Variants in CDH17 observed in about 807,000 individuals in gnomAD.
CDH17 encodes the protein cadherin-17.
In CDH17, 67 loss-of-function variants were observed where a neutral mutation model predicts 86.3. That is an observed-to-expected ratio of 0.78 (90% CI 0.64 to 0.95). The LOEUF is 0.95. Among genes scored for constraint, CDH17 ranks in the 40% least tolerant of loss-of-function variants. The pLI, the probability that CDH17 is intolerant of heterozygous loss-of-function variation, is 0.00. For missense variants in CDH17, 993 were observed against 1,017.6 expected, an observed-to-expected ratio of 0.98 and a Z score of 0.33; for synonymous variants, 367 against 366.4, an observed-to-expected ratio of 1.00 and a Z score of -0.02.
At chr8:94,208,809 T>A (rs1285858276), upstream of CDH17, among the ~76,000 whole-genome samples, 28 of 152,130 alleles carry the variant, frequency 1.8e-4, no homozygotes. Flanking sequence ...AGACAAGAAG[T>A]TAGAGTGGAA....
intron 13 of CDH17, among the ~76,000 whole-genome samples, chr8:94,150,028 C>T (rs907481613): frequency 6.6e-6 from 1 of 152,098 alleles, no homozygotes; most frequent in African/African-American, 2.4e-5. Context: ...ATAAAAAATA[C>T]TGGAAGCAAC....
At chr8:94,176,518 T>C (rs1346828486) in intron 5 of CDH17, 23 bp downstream of exon 5, 3 of 1,612,184 alleles carry the variant, frequency 1.9e-6, no homozygotes, top group South Asian at 2.2e-5. Flanking sequence ...TTTCCATAAA[T>C]ATCTCTGGCC....
At chr8:94,187,688 C>T (rs556802369) in intron 3 of CDH17, among the ~76,000 whole-genome samples, 2 of 152,258 alleles carry the variant, frequency 1.3e-5, no homozygotes, top group East Asian at 3.9e-4. Flanking sequence ...TCCTCTCCCA[C>T]CTGCTCCTCC....
chr8:94,172,141 C>G lies in CDH17; in HGVS notation c.784-1156G>C, dbSNP rs1448505292. Among the ~76,000 whole-genome samples the G allele has an allele frequency of 2.0e-5, 3 of 151,860 alleles. No individual in the cohort carries two copies. The East Asian group carries it at 5.8e-4, about 30-fold the overall frequency. ...TAGGCACTCTAGAATTTTCCCTTGG[C>G]AGCCCCAAGGCAACTAAGCATGAGT... On this transcript the variant is annotated intron_variant, in intron 7 of 17. Coordinates refer to ENST00000027335, the MANE Select transcript of CDH17 (RefSeq NM_004063.4).
chr8:94,211,032 A>AG (rs1357469733), upstream of CDH17, among the ~76,000 whole-genome samples: 1 of 151,746 alleles, frequency 6.6e-6, no homozygotes, highest in Non-Finnish European at 1.5e-5. Context: ...AAAAAAAAAA[A>AG]AAAAAAGAAA....
chr8:94,166,087 T>G, intron 9 of CDH17, 111 bp from the exon 10 acceptor site: 1 of 675,438 alleles, frequency 1.5e-6, no homozygotes, highest in Non-Finnish European at 2.6e-6. Context: ...TAACTTTGAA[T>G]AGCAGACAAA....
intron 12 of CDH17, among the ~76,000 whole-genome samples, chr8:94,153,397 T>G (rs1002274661): frequency 1.3e-5 from 2 of 152,188 alleles, no homozygotes; most frequent in African/African-American, 4.8e-5. Context: ...AAGGGAACCC[T>G]GTACACTGTT....
At chr8:94,150,307 G>A (rs989101779) in intron 13 of CDH17, among the ~76,000 whole-genome samples, 7 of 152,142 alleles carry the variant, frequency 4.6e-5, no homozygotes, top group African/African-American at 1.7e-4. Flanking sequence ...GGTGGGGGAC[G>A]GCAGGGGCAA....
intron 15 of CDH17, among the ~76,000 whole-genome samples, chr8:94,135,808 T>G (rs1201917872): frequency 6.6e-6 from 1 of 152,238 alleles, no homozygotes; most frequent in East Asian, 1.9e-4. Flanking sequence ...TTCCTTTCCA[T>G]GTTTAGTGCT....
At chr8:94,129,317 C>T (rs992274577) in intron 17 of CDH17, among the ~76,000 whole-genome samples, 5 of 152,050 alleles carry the variant, frequency 3.3e-5, no homozygotes, top group African/African-American at 9.7e-5. Context: ...AGCTCAATTA[C>T]CATGAAAAGT....
At chr8:94,190,854 G>A (rs964815755) in intron 2 of CDH17, among the ~76,000 whole-genome samples, 4 of 152,200 alleles carry the variant, frequency 2.6e-5, no homozygotes, top group African/African-American at 9.6e-5. Context: ...AGATCCCTCA[G>A]TCTGGGGAAC....
rs779570353 is a variant in CDH17, at chr8:94,151,852, C to T, written c.1796+16G>A. The T allele has an allele frequency of 6.2e-7, 1 of 1,613,798 alleles. No homozygotes were observed. Among genetic ancestry groups the T allele is most frequent in the African/African-American group, 1.3e-5 (1 of 74,940 alleles). On this transcript the variant is annotated intron_variant, in intron 13 of 17. Transcript: ENST00000027335. ...TGACCACGCAGCCAGGCCTGCCCAG[C>T]ACTGTTGCCCTTTACCTTATGTCCA...
intron 15 of CDH17, among the ~76,000 whole-genome samples, chr8:94,138,794 T>C (rs1444036836): frequency 6.6e-6 from 1 of 152,184 alleles, no homozygotes; most frequent in Non-Finnish European, 1.5e-5. Context: ...ACCTCACAAG[T>C]TTGAAAACAT....
At chr8:94,140,805 G>C (rs190508151) in intron 15 of CDH17, among the ~76,000 whole-genome samples, 403 of 152,104 alleles carry the variant, frequency 2.6e-3, no homozygotes, top group Non-Finnish European at 4.5e-3. Context: ...TTATTTGAAA[G>C]GTACAAGCTC....
intron 1 of CDH17, among the ~76,000 whole-genome samples, chr8:94,199,076 TATATATA>T (rs1174574280): frequency 0.097 from 1,480 of 15,220 alleles, 8 homozygotes; most frequent in Non-Finnish European, 0.17. Flanking sequence ...TATATATATA[TATATATA>T]TTTTTTTTTT....
chr8:94,150,226 A>C (rs1012394632), intron 13 of CDH17, among the ~76,000 whole-genome samples: 1 of 152,168 alleles, frequency 6.6e-6, no homozygotes, highest in African/African-American at 2.4e-5. Context: ...GTTTTGAAAG[A>C]GGAGTCAGAT....
At chr8:94,214,741 G>T (rs909337145) in intron 1 of CDH17, among the ~76,000 whole-genome samples, 2 of 152,172 alleles carry the variant, frequency 1.3e-5, no homozygotes, top group African/African-American at 4.8e-5. Flanking sequence ...GAAAATATTT[G>T]TAAGTCGCGT....
intron 5 of CDH17, 114 bp downstream of exon 5, chr8:94,176,427 T>C: frequency 9.1e-7 from 1 of 1,103,040 alleles, no homozygotes; most frequent in Non-Finnish European, 1.3e-6. Flanking sequence ...GTGTGAAATG[T>C]AGGTAAGATA....
At chr8:94,200,688 C>A (rs377605109) in intron 1 of CDH17, among the ~76,000 whole-genome samples, 9 of 151,572 alleles carry the variant, frequency 5.9e-5, no homozygotes, top group Non-Finnish European at 7.4e-5. Flanking sequence ...TGCTTGCAGA[C>A]GGGAACCAGG....
Sources: gnomAD v4.1 joint callset for allele counts (sites outside exome capture counted in the v4.1 genomes callset) on GRCh38, gnomAD v4.1.1 for gene constraint, MANE v1.5 for transcripts, NCBI Gene and HGNC (gene_info 2026-07-23, HGNC 2026-07-21) for gene names.